Variants in ASXL2 observed in about 807,000 individuals in gnomAD.
The protein encoded by ASXL2 is putative Polycomb group protein ASXL2.
ASXL2 carries 23 observed loss-of-function variants against 122.0 expected under a neutral mutation model. That is an observed-to-expected ratio of 0.19 (90% CI 0.14 to 0.27). The LOEUF (loss-of-function observed/expected upper bound fraction) is 0.27, where lower values mean the gene tolerates loss of function less well. Among genes scored for constraint, ASXL2 ranks in the 10% least tolerant of loss-of-function variants. The pLI is 1.00. For synonymous variants in ASXL2, 650 were observed against 637.0 expected, an observed-to-expected ratio of 1.02 and a Z score of -0.31; for missense variants, 1,518 against 1,713.8, an observed-to-expected ratio of 0.89 and a Z score of 2.02.
At chr2:25,773,277 G>C (rs1559507008) in intron 5 of ASXL2, among the ~76,000 whole-genome samples, 1 of 151,832 alleles carries the variant, frequency 6.6e-6, no homozygotes, top group Non-Finnish European at 1.5e-5. Flanking sequence ...TTATGAAAAA[G>C]TATATAATTT....
chr2:25,779,989 T>A (rs1376851585), intron 5 of ASXL2, among the ~76,000 whole-genome samples: 1 of 152,154 alleles, frequency 6.6e-6, no homozygotes. Context: ...TGCCTCAGCC[T>A]CCTGAGTAGC....
intron 8 of ASXL2, among the ~76,000 whole-genome samples, chr2:25,762,160 A>G (rs1408498395): frequency 1.3e-5 from 2 of 152,094 alleles, no homozygotes; most frequent in African/African-American, 4.8e-5. Flanking sequence ...GACATATCAC[A>G]TGTAACTAAA....
At chr2:25,873,805 A>C (rs865875168) in intron 1 of ASXL2, among the ~76,000 whole-genome samples, 6 of 151,932 alleles carry the variant, frequency 3.9e-5, no homozygotes, top group African/African-American at 1.5e-4. Flanking sequence ...TTAAGTGTAT[A>C]ATCTCTAAAG....
chr2:25,834,470 C>CT (rs2089486419), intron 3 of ASXL2, among the ~76,000 whole-genome samples: 1 of 152,044 alleles, frequency 6.6e-6, no homozygotes, highest in African/African-American at 2.4e-5. Flanking sequence ...TTTGTAAGAC[C>CT]TTAATTAAGC....
rs767825386 is a variant in ASXL2 at position 25,744,121 on chromosome 2, C to T, written c.2216G>A (p.Gly739Asp). The change falls in exon 13 of 13, where the codon GGT (glycine) becomes GAT (aspartate). Residue 739 changes from glycine (G) to aspartate (D), a missense_variant. Gly to Asp is a moderately conservative substitution (Grantham distance 94). Around this residue, in one of 8 missense-constraint regions of ASXL2, gnomAD observed 831 missense variants for 833.1 expected, o/e 1.00. Coordinates refer to ENST00000435504, the MANE Select transcript of ASXL2 (RefSeq NM_018263.6). This position sits in a 1 kb window ranked among gnomAD's most constrained non-coding sequence, Gnocchi z 4.7. The stretch of plus-strand genomic sequence containing the variant: ...ACCACAGGGTAAAAGCTCTCTCGTA[C>T]CTCCCCTGCTTCCAGTTCCTGCCAG... Reference protein sequence around the residue: ...LELAGTGSRGGTRELLPCGPE... With the variant: ...LELAGTGSRGDTRELLPCGPE... 5 of 1,613,850 alleles carry T rather than the reference C, an allele frequency of 3.1e-6. No individual in the cohort carries two copies. Among genetic ancestry groups the T allele is most frequent in the Non-Finnish European group, 4.2e-6 (5 of 1,179,890 alleles).
rs2088024404 is a variant in ASXL2, at chr2:25,750,337, C to T, written c.1219G>A (p.Glu407Lys). ...GACACAGGCATGGATTTTGGTTGTTCAGCTGGGGTTTTCTTTACTTTGGGA... is the reference window on the plus strand; with the variant it reads ...GACACAGGCATGGATTTTGGTTGTTTAGCTGGGGTTTTCTTTACTTTGGGA... ...SDPKVKKTPA[E>K]QPKSMPVSEA... The change falls in exon 12 of 13, where the codon GAA becomes AAA. Residue 407 changes from glutamate (E) to lysine (K), a missense_variant. Glu to Lys is a moderately conservative substitution (Grantham distance 56). This residue lies in a region of ASXL2 where 92 missense variants were observed against 156.6 expected (regional missense o/e 0.59). Coordinates refer to ENST00000435504, the MANE Select transcript of ASXL2 (RefSeq NM_018263.6). The T allele has an allele frequency of 6.2e-7, 1 of 1,613,742 alleles. No individual in the cohort carries two copies. The highest frequency in any genetic ancestry group is 8.5e-7 in the Non-Finnish European group (1 of 1,179,872).
chr2:25,808,023 T>C (rs61615422), intron 3 of ASXL2, among the ~76,000 whole-genome samples: 1 of 115,718 alleles, frequency 8.6e-6, no homozygotes, highest in South Asian at 2.7e-4. Flanking sequence ...ACACACACAC[T>C]CTCCACCCCA....
At chr2:25,745,559 CAA>C (rs34181748) in intron 12 of ASXL2, among the ~76,000 whole-genome samples, 37 of 51,394 alleles carry the variant, frequency 7.2e-4, no homozygotes, top group East Asian at 5.2e-3. Flanking sequence ...GCCTCCAGCT[CAA>C]AAAAAAAAAA....
At chr2:25,822,491 G>A (rs770816268) in intron 3 of ASXL2, 3 of 475,980 alleles carry the variant, frequency 6.3e-6, no homozygotes, top group Non-Finnish European at 1.2e-5. Context: ...TCTGCAAAGT[G>A]GTACTATCGA....
At chr2:25,849,867 T>C (rs894109280) in intron 1 of ASXL2, among the ~76,000 whole-genome samples, 1 of 152,182 alleles carries the variant, frequency 6.6e-6, no homozygotes, top group Non-Finnish European at 1.5e-5. Flanking sequence ...AGAAAAGTAT[T>C]ATACTAAATT....
chr2:25,819,675 G>A (rs928220480), intron 3 of ASXL2, among the ~76,000 whole-genome samples: 18 of 152,134 alleles, frequency 1.2e-4, no homozygotes, highest in African/African-American at 4.3e-4. Flanking sequence ...GAAAGATAAA[G>A]ACTGAAGTAC....
chr2:25,799,904 G>C (rs1319824619), intron 4 of ASXL2, among the ~76,000 whole-genome samples: 1 of 151,596 alleles, frequency 6.6e-6, no homozygotes. Context: ...TAACACTTTG[G>C]GTGGCTAAGG....
chr2:25,781,549 T>C (rs10209507), intron 5 of ASXL2, among the ~76,000 whole-genome samples: 109,090 of 150,738 alleles, frequency 0.72, 40,976 homozygotes, highest in Non-Finnish European at 0.83. Context: ...ATTTACAATC[T>C]CAAATTCTTT....
Position 25,735,850 on chromosome 2 carries a change from T to A in ASXL2, c.*6179A>T, listed in dbSNP as rs1181696474. The A allele has an allele frequency of 1.3e-5, 2 of 152,202 alleles. No individual in the cohort carries two copies. Among genetic ancestry groups the A allele is most frequent in the Non-Finnish European group, 2.9e-5 (2 of 68,024 alleles). The allele number at this position is 152,202 out of a possible 1,614,324, so 9.4% of individuals were successfully genotyped here. On this transcript the variant is annotated 3_prime_UTR_variant, in exon 13 of 13. Coordinates refer to ENST00000435504, the MANE Select transcript of ASXL2 (RefSeq NM_018263.6). ...CACTTTTTTCATCTAGGGACCTTCTTTCTTCATGTATTTGCCACTACTGTG... is the reference window on the plus strand; with the variant it reads ...CACTTTTTTCATCTAGGGACCTTCTATCTTCATGTATTTGCCACTACTGTG...
chr2:25,771,533 C>T lies in ASXL2; in HGVS notation c.411G>A (p.Ser137=), dbSNP rs747217968. The change falls in exon 6 of 13, where the codon TCG becomes TCA. Residue 137 remains serine, a synonymous_variant. Transcript: ENST00000435504. ...KKSRWKRKVS[S]SSPQSGCPSP... is the part of the protein sequence containing the mutation. Reference sequence around the variant, plus strand: ...ATGGGCAGCCTGACTGCGGGGAGGACGACGATACTAGGGAAAAAAAAGTGA... The same window carrying T: ...ATGGGCAGCCTGACTGCGGGGAGGATGACGATACTAGGGAAAAAAAAGTGA... The T allele has an allele frequency of 1.7e-5, 27 of 1,606,096 alleles. 1 individual carries two copies. The highest frequency in any genetic ancestry group is 2.0e-5 in the Non-Finnish European group (23 of 1,176,348).
intron 5 of ASXL2, among the ~76,000 whole-genome samples, chr2:25,791,436 G>A (rs549774630): frequency 1.5e-4 from 22 of 150,784 alleles, no homozygotes; most frequent in Admixed American, 5.9e-4. Context: ...GCAGTGAGCC[G>A]AGATCATGCC....
chr2:25,840,284 C>T (rs570262866), intron 2 of ASXL2, among the ~76,000 whole-genome samples: 2 of 152,350 alleles, frequency 1.3e-5, no homozygotes, highest in Admixed American at 1.3e-4. Flanking sequence ...AATCTTACCA[C>T]CTAACTTCTT....
intron 5 of ASXL2, among the ~76,000 whole-genome samples, chr2:25,793,211 GAC>G (rs1263352202): frequency 6.6e-6 from 1 of 152,020 alleles, no homozygotes; most frequent in Non-Finnish European, 1.5e-5. Context: ...CAGCCTGGGT[GAC>G]AGAGCAAGTT....
chr2:25,877,733 T>A (rs2090021016), intron 1 of ASXL2, among the ~76,000 whole-genome samples: 1 of 152,154 alleles, frequency 6.6e-6, no homozygotes, highest in Non-Finnish European at 1.5e-5. Context: ...TCTATCCAGC[T>A]CCAGCGCTCC....
Sources: gnomAD v4.1 joint callset for allele counts (sites outside exome capture counted in the v4.1 genomes callset) on GRCh38, gnomAD v4.1.1 for gene constraint, gnomAD v4.1.1 regional missense constraint, Gnocchi (gnomAD v3.1) non-coding constraint, MANE v1.5 for transcripts, NCBI Gene and HGNC (gene_info 2026-07-23, HGNC 2026-07-21) for gene names.